The following B3GALNT2 variants were observed in gnomAD, a reference collection of about 807,000 sequenced individuals.
B3GALNT2 encodes beta-1,3-N-acetylgalactosaminyltransferase 2, also known as UDP-GalNAc:beta-1,3-N-acetylgalactosaminyltransferase 2.
In B3GALNT2, 53 loss-of-function variants were observed where a neutral mutation model predicts 61.1. The observed-to-expected ratio is 0.87, with a 90% confidence interval of 0.70 to 1.09. B3GALNT2 has a LOEUF of 1.09. Ranked by LOEUF, B3GALNT2 falls within the 50% of genes least tolerant of loss-of-function variation. The pLI is 0.00. For synonymous variants in B3GALNT2, 223 were observed against 237.4 expected (o/e 0.94, Z 0.56); for missense variants, 544 against 623.0 (o/e 0.87, Z 1.35).
chr1:235,485,936 C>T (rs1572541443), intron 3 of B3GALNT2, among the ~76,000 whole-genome samples: 3 of 151,882 alleles, frequency 2.0e-5, no homozygotes, highest in Non-Finnish European at 2.9e-5. Flanking sequence ...CTCTACGATA[C>T]AAAAATTAGC....
intron 7 of B3GALNT2, 109 bp from the exon 8 acceptor site, chr1:235,458,895 A>G: frequency 9.9e-7 from 1 of 1,010,488 alleles, no homozygotes; most frequent in Non-Finnish European, 1.4e-6. Context: ...GCAGAAACAC[A>G]TGCAGTTGTT....
chr1:235,459,626 CAAATAAAT>C (rs563152118), intron 7 of B3GALNT2, among the ~76,000 whole-genome samples: 1 of 151,624 alleles, frequency 6.6e-6, no homozygotes, highest in Non-Finnish European at 1.5e-5. Flanking sequence ...GACCCTGTCT[CAAATAAAT>C]AAATAAATAA....
At position 235,496,266 on chromosome 1, in the gene B3GALNT2, G is replaced by GC. The variant is rs1572560624; in HGVS notation, c.113-1439dup. 1.4e-5 allele frequency: 6 copies of GC among 433,220 alleles called. No individual in the cohort carries two copies. Among genetic ancestry groups the GC allele is most frequent in the Admixed American group, 1.0e-4 (2 of 19,390 alleles). The allele number at this position is 433,220 out of a possible 1,614,324, so 26.8% of individuals were successfully genotyped here. A position where few individuals can be genotyped will look rare whatever the true frequency, so the allele number is the denominator to read the frequency against. Reference sequence around the variant, plus strand: ...GTGGAGGTTGGGGTGAGCCGAGACCGCGCCATTGCACTCCAGCCTGGGCAA... The same window carrying GC: ...GTGGAGGTTGGGGTGAGCCGAGACCGCCGCCATTGCACTCCAGCCTGGGCAA... On this transcript the variant is annotated intron_variant, in intron 1 of 11. Transcript: ENST00000366600.
In B3GALNT2 at chr1:235,496,547, C is replaced by CT. The variant is rs1396277043; in HGVS notation, c.113-1720dup. On this transcript the variant is annotated intron_variant, in intron 1 of 11. Transcript: ENST00000366600. ...AACCCTATGAGGTAGGTACTTGTTT[C>CT]TTTTTTTTTTTTTTTTTGACGGAGT... 9.7e-3 allele frequency among the ~76,000 whole-genome samples: 1,289 copies of CT among 133,368 alleles called. 9 individuals carry two copies. Among genetic ancestry groups the CT allele is most frequent in the African/African-American group, 0.025 (914 of 36,534 alleles). 87.5% of individuals were successfully genotyped at this position (133,368 alleles called of 152,430 possible).
chr1:235,461,801 C>G (rs1265528448), intron 7 of B3GALNT2, among the ~76,000 whole-genome samples: 2 of 152,238 alleles, frequency 1.3e-5, no homozygotes, highest in Non-Finnish European at 1.5e-5. Flanking sequence ...AGGCATTGAG[C>G]TACTGCACCT....
intron 4 of B3GALNT2, among the ~76,000 whole-genome samples, 175 bp from the exon 5 acceptor site, chr1:235,480,324 G>C (rs998504475): frequency 6.6e-6 from 1 of 151,984 alleles, no homozygotes; most frequent in African/African-American, 2.4e-5. Context: ...TGCAGTCATG[G>C]TTATTAAATA....
intron 2 of B3GALNT2, among the ~76,000 whole-genome samples, chr1:235,490,240 T>C (rs1027707229): frequency 1.1e-4 from 16 of 151,624 alleles, no homozygotes; most frequent in African/African-American, 3.9e-4. Context: ...AGTTGTTTTC[T>C]TTTTTTTTGA....
At chr1:235,453,268 A>C in intron 10 of B3GALNT2, 122 bp from the exon 11 acceptor site, 1 of 966,872 alleles carries the variant, frequency 1.0e-6, no homozygotes, top group Non-Finnish European at 1.6e-6. Flanking sequence ...TATTATTCTA[A>C]TATGAAATAG....
At chr1:235,459,111 A>G (rs1006755658) in intron 7 of B3GALNT2, among the ~76,000 whole-genome samples, 20 of 152,134 alleles carry the variant, frequency 1.3e-4, no homozygotes, top group African/African-American at 4.8e-4. Flanking sequence ...GTAATTGTGG[A>G]AGAAAAATGG....
chr1:235,496,312 A>C (rs78657266), intron 1 of B3GALNT2: 1 of 330,954 alleles, frequency 3.0e-6, no homozygotes, highest in Non-Finnish European at 4.1e-6. Flanking sequence ...ACTCCACCTG[A>C]AAAAAAAAAA....
chr1:235,467,839 G>T (rs1683784823), intron 6 of B3GALNT2, among the ~76,000 whole-genome samples: 1 of 151,902 alleles, frequency 6.6e-6, no homozygotes. Flanking sequence ...GAGTGCAATG[G>T]CGTGATCTTG....
chr1:235,459,682 G>C (rs1371048967), intron 7 of B3GALNT2, among the ~76,000 whole-genome samples: 1 of 152,190 alleles, frequency 6.6e-6, no homozygotes, highest in African/African-American at 2.4e-5. Context: ...AAATAAGAAT[G>C]GGAAGGGTAC....
chr1:235,485,227 G>T (rs1403554617), intron 3 of B3GALNT2, among the ~76,000 whole-genome samples: 1 of 152,164 alleles, frequency 6.6e-6, no homozygotes, highest in Non-Finnish European at 1.5e-5. Flanking sequence ...GCAGATCCAG[G>T]AATCAAGTCC....
chr1:235,445,857 C>T (rs547954187), downstream of B3GALNT2, among the ~76,000 whole-genome samples: 35 of 152,206 alleles, frequency 2.3e-4, no homozygotes, highest in African/African-American at 3.9e-4. Context: ...TACTTGCCAG[C>T]GGAGGAATGG....
At chr1:235,486,937 G>T (rs1042533151) in intron 3 of B3GALNT2, among the ~76,000 whole-genome samples, 1 of 152,062 alleles carries the variant, frequency 6.6e-6, no homozygotes, top group Non-Finnish European at 1.5e-5. Flanking sequence ...GGGAGGCTGA[G>T]GGGGGTGGAT....
chr1:235,472,483 C>A (rs1684048888), intron 5 of B3GALNT2, among the ~76,000 whole-genome samples: 1 of 152,074 alleles, frequency 6.6e-6, no homozygotes, highest in South Asian at 2.1e-4. Context: ...ATCACATCAA[C>A]CTGTTTTATC....
intron 5 of B3GALNT2, among the ~76,000 whole-genome samples, chr1:235,478,201 T>C (rs1289814496): frequency 6.6e-6 from 1 of 152,052 alleles, no homozygotes; most frequent in Non-Finnish European, 1.5e-5. Context: ...TACAGGAGCC[T>C]ACCACCGCAC....
intron 4 of B3GALNT2, among the ~76,000 whole-genome samples, chr1:235,482,610 A>C (rs903223996): frequency 4.6e-5 from 7 of 151,942 alleles, no homozygotes; most frequent in East Asian, 1.9e-4. Context: ...GCTAAAACAA[A>C]AAAAAAAAAT....
chr1:235,486,433 T>G (rs1684807701), intron 3 of B3GALNT2, among the ~76,000 whole-genome samples: 1 of 152,224 alleles, frequency 6.6e-6, no homozygotes, highest in South Asian at 2.1e-4. Flanking sequence ...TTTAGATATT[T>G]TCTTATCTAA....
Sources: allele counts gnomAD v4.1 joint callset (sites outside exome capture counted in the v4.1 genomes callset), GRCh38; gene constraint gnomAD v4.1.1; transcripts MANE v1.5; gene names NCBI Gene and HGNC (gene_info 2026-07-23, HGNC 2026-07-21).